Variants in C12orf42 observed in about 807,000 individuals in gnomAD.
The protein encoded by C12orf42 is uncharacterized protein C12orf42.
Under a neutral mutation model 21.6 loss-of-function variants are expected in C12orf42, and 25 were observed. The ratio of observed to expected loss-of-function variants is 1.16; its 90% confidence interval spans 0.84 to 1.62. The LOEUF is 1.62. Among genes scored for constraint, C12orf42 ranks in the 40% most tolerant of loss-of-function variants. The pLI is 0.00. For synonymous variants in C12orf42, 174 were observed against 175.0 expected, an observed-to-expected ratio of 0.99 and a Z score of 0.05; for missense variants, 483 against 459.3, an observed-to-expected ratio of 1.05 and a Z score of -0.47.
the C12orf42 span, among the ~76,000 whole-genome samples, chr12:103,061,959 AT>A: frequency 1.1e-4 from 16 of 150,824 alleles, no homozygotes; most frequent in African/African-American, 3.4e-4. Context: ...TTCATTATCC[AT>A]TTCCCCCTTG....
intron 2 of C12orf42, among the ~76,000 whole-genome samples, chr12:103,429,951 C>A (rs778608824): frequency 6.6e-6 from 1 of 152,122 alleles, no homozygotes. Context: ...CTTCCTTACA[C>A]GTTATACAAA....
intron 3 of C12orf42, among the ~76,000 whole-genome samples, chr12:103,386,916 T>C (rs1194390028): frequency 2.0e-5 from 3 of 152,178 alleles, no homozygotes; most frequent in Non-Finnish European, 2.9e-5. Context: ...GAAGTTAGCA[T>C]GGACAGTCCC....
chr12:103,171,283 T>A, the C12orf42 span, among the ~76,000 whole-genome samples: 1 of 152,170 alleles, frequency 6.6e-6, no homozygotes, highest in African/African-American at 2.4e-5. Flanking sequence ...ACTTATTAGT[T>A]GTTTATTGTC....
At chr12:103,120,498 T>C in the C12orf42 span, among the ~76,000 whole-genome samples, 1 of 152,266 alleles carries the variant, frequency 6.6e-6, no homozygotes, top group South Asian at 2.1e-4. Flanking sequence ...GCTTGAATCA[T>C]CAGAGGCAGA....
intron 2 of C12orf42, among the ~76,000 whole-genome samples, chr12:103,423,561 C>T (rs930369151): frequency 3.3e-5 from 5 of 152,150 alleles, no homozygotes; most frequent in Non-Finnish European, 5.9e-5. Context: ...AGTATTAATA[C>T]ACCAGGAAAC....
rs143651647 is a variant in C12orf42, at chr12:103,326,413, T to C, written c.260-20068A>G. 3.3e-3 allele frequency among the ~76,000 whole-genome samples: 499 copies of C among 152,346 alleles called. 2 individuals are homozygous for C. Among genetic ancestry groups the C allele is most frequent in the African/African-American group, 0.011 (446 of 41,590 alleles). On this transcript the variant is annotated intron_variant, in intron 4 of 5. Coordinates refer to ENST00000548883, the MANE Select transcript of C12orf42 (RefSeq NM_198521.5). ...TCCTTTTAAAAGCTAAATCAGATCCTGTTGCTTCCTTGCTCAAGGCCTTCC... is the reference window on the plus strand; with the variant it reads ...TCCTTTTAAAAGCTAAATCAGATCCCGTTGCTTCCTTGCTCAAGGCCTTCC...
At chr12:103,154,237 C>T in the C12orf42 span, among the ~76,000 whole-genome samples, 1 of 152,030 alleles carries the variant, frequency 6.6e-6, no homozygotes, top group Non-Finnish European at 1.5e-5. Context: ...GTGAATGCTC[C>T]CTTTCTTAAT....
At chr12:103,401,421 C>T (rs11111553) in intron 3 of C12orf42, among the ~76,000 whole-genome samples, 186 bp downstream of exon 3, 2,434 of 148,316 alleles carry the variant, frequency 0.016, 58 homozygotes, top group African/African-American at 0.055. Flanking sequence ...GCATGACTCT[C>T]AAACAGAGAT....
At chr12:103,121,713 T>G in the C12orf42 span, among the ~76,000 whole-genome samples, 6 of 152,222 alleles carry the variant, frequency 3.9e-5, no homozygotes, top group African/African-American at 1.4e-4. Flanking sequence ...ACGACCCTGA[T>G]GTTCAACAAT....
chr12:103,507,598 G>A, the C12orf42 span, among the ~76,000 whole-genome samples: 1 of 150,898 alleles, frequency 6.6e-6, no homozygotes, highest in Non-Finnish European at 1.5e-5. Flanking sequence ...AGCATCTCTT[G>A]AGCCCAGGAG....
chr12:103,117,002 T>C, the C12orf42 span, among the ~76,000 whole-genome samples: 1 of 152,232 alleles, frequency 6.6e-6, no homozygotes, highest in Non-Finnish European at 1.5e-5. Context: ...GTAATTAGCA[T>C]ATCCATCATC....
At chr12:103,440,479 A>AAAG (rs1399209449) in intron 2 of C12orf42, among the ~76,000 whole-genome samples, 26 of 142,430 alleles carry the variant, frequency 1.8e-4, no homozygotes, top group Non-Finnish European at 2.8e-4. Context: ...AAAAAAAAAA[A>AAAG]GAAACTCCTA....
the C12orf42 span, among the ~76,000 whole-genome samples, chr12:103,562,774 G>C: frequency 1.3e-5 from 2 of 152,154 alleles, no homozygotes; most frequent in Admixed American, 6.5e-5. Flanking sequence ...TCTCAGTGGG[G>C]CTCATGAAAT....
chr12:103,298,380 T>C (rs566463146), downstream of C12orf42, among the ~76,000 whole-genome samples: 6 of 152,226 alleles, frequency 3.9e-5, no homozygotes, highest in African/African-American at 4.8e-5. Context: ...ATAAAATACC[T>C]AGGAATCCAC....
At chr12:103,088,841 C>T in the C12orf42 span, among the ~76,000 whole-genome samples, 1 of 152,128 alleles carries the variant, frequency 6.6e-6, no homozygotes, top group Non-Finnish European at 1.5e-5. Flanking sequence ...CGGTGGCTCA[C>T]GCCAGTAATC....
intron 2 of C12orf42, among the ~76,000 whole-genome samples, chr12:103,470,191 G>T (rs776898816): frequency 3.1e-4 from 47 of 152,254 alleles, no homozygotes; most frequent in Middle Eastern, 3.4e-3. Flanking sequence ...TTTAACTGTG[G>T]TTTGATAAAG....
the C12orf42 span, among the ~76,000 whole-genome samples, chr12:103,125,547 G>A: frequency 1.3e-5 from 2 of 152,140 alleles, no homozygotes; most frequent in Non-Finnish European, 2.9e-5. Context: ...AAAAGATAGA[G>A]GGAAGAAATG....
At chr12:103,380,654 C>T (rs10778239) in intron 3 of C12orf42, among the ~76,000 whole-genome samples, 106,783 of 152,074 alleles carry the variant, frequency 0.7, 37,648 homozygotes, top group Admixed American at 0.76. Context: ...AGCAACTGCT[C>T]TTGAAAGAGA....
chr12:103,131,939 T>C, the C12orf42 span, among the ~76,000 whole-genome samples: 1 of 152,048 alleles, frequency 6.6e-6, no homozygotes, highest in Non-Finnish European at 1.5e-5. Flanking sequence ...GTTGGGGTAG[T>C]GGTGGTGGAT....
Sources: allele counts gnomAD v4.1 joint callset (sites outside exome capture counted in the v4.1 genomes callset), GRCh38; gene constraint gnomAD v4.1.1; transcripts MANE v1.5; gene names NCBI Gene and HGNC (gene_info 2026-07-23, HGNC 2026-07-21).